The following FUBP1 variants were observed in gnomAD, a reference collection of about 807,000 sequenced individuals.
FUBP1 encodes far upstream element binding protein 1, also known as far upstream element-binding protein 1.
In FUBP1, 16 loss-of-function variants were observed where a neutral mutation model predicts 94.9. That is an observed-to-expected ratio of 0.17 (90% CI 0.11 to 0.26). The LOEUF (loss-of-function observed/expected upper bound fraction) is 0.26. Ranked by LOEUF, FUBP1 falls within the 10% of genes least tolerant of loss-of-function variation. FUBP1 has a pLI of 1.00. For synonymous variants in FUBP1, 279 were observed against 254.9 expected (o/e 1.09, Z -0.90); for missense variants, 583 against 808.6 (o/e 0.72, Z 3.38).
chr1:77,945,115 T>C lies in FUBP1; in HGVS notation c.*3651A>G, dbSNP rs1651879064. 6.6e-6 allele frequency among the ~76,000 whole-genome samples: 1 copy of C among 151,962 alleles called. No individual in the cohort carries two copies. The highest frequency in any genetic ancestry group is 1.5e-5 in the Non-Finnish European group (1 of 67,854). ...TCAGCGTCATTTAAAATAATGCTTATAGTATCAGTGAAGGCTTATGGTAAT... is the reference window on the plus strand; with the variant it reads ...TCAGCGTCATTTAAAATAATGCTTACAGTATCAGTGAAGGCTTATGGTAAT... On this transcript the variant is annotated 3_prime_UTR_variant, in exon 20 of 20. Coordinates refer to ENST00000370768, the MANE Select transcript of FUBP1 (RefSeq NM_003902.5).
At chr1:77,955,880 A>C (rs1422041170) in intron 17 of FUBP1, among the ~76,000 whole-genome samples, 1 of 152,164 alleles carries the variant, frequency 6.6e-6, no homozygotes, top group East Asian at 1.9e-4. Context: ...AAGGAATAAG[A>C]GCTCCTTGAA....
At chr1:77,968,071 C>G in intron 3 of FUBP1, 94 bp downstream of exon 3, 1 of 766,092 alleles carries the variant, frequency 1.3e-6, no homozygotes, top group Non-Finnish European at 2.1e-6. Flanking sequence ...TACTCATAAA[C>G]CAACTAACTT....
intron 1 of FUBP1, among the ~76,000 whole-genome samples, chr1:77,977,673 AAG>A: frequency 6.6e-6 from 1 of 152,358 alleles, no homozygotes; most frequent in African/African-American, 2.4e-5. Flanking sequence ...AAAACACGCT[AAG>A]AGTGTTTGTC....
At chr1:77,972,888 A>C (rs1221008292) in intron 1 of FUBP1, among the ~76,000 whole-genome samples, 2 of 152,114 alleles carry the variant, frequency 1.3e-5, no homozygotes, top group Non-Finnish European at 2.9e-5. Flanking sequence ...AAAAGTGTTT[A>C]ATAAAAATAC....
intron 18 of FUBP1, among the ~76,000 whole-genome samples, chr1:77,955,000 T>C (rs1282101181): frequency 6.6e-6 from 1 of 152,214 alleles, no homozygotes; most frequent in African/African-American, 2.4e-5. Flanking sequence ...ATAACTGTCA[T>C]TGTCAAAAGT....
intron 16 of FUBP1, 62 bp from the exon 17 acceptor site, chr1:77,956,762 C>T (rs1388587963): frequency 2.3e-5 from 30 of 1,283,904 alleles, no homozygotes; most frequent in Non-Finnish European, 3.2e-5. Context: ...CACACACACA[C>T]ACACCACCCC....
rs1652274176 is a variant in FUBP1 at position 77,946,900 on chromosome 1, A to G, written c.*1866T>C. 1 of 204,460 alleles carries G rather than the reference A, an allele frequency of 4.9e-6. No homozygotes were observed. Among genetic ancestry groups the G allele is most frequent in the Non-Finnish European group, 1.0e-5 (1 of 99,920 alleles). 12.7% of individuals were successfully genotyped at this position (204,460 alleles called of 1,614,324 possible). On this transcript the variant is annotated 3_prime_UTR_variant, in exon 20 of 20. Coordinates refer to ENST00000370768, the MANE Select transcript of FUBP1 (RefSeq NM_003902.5). The stretch of plus-strand genomic sequence containing the variant: ...TCACTCTAGGTTATATAAAACAATC[A>G]AAAACATTTCAAAATATCTACAATG...
At chr1:77,979,111 G>A (rs1326490250), upstream of FUBP1, 3 of 1,164,056 alleles carry the variant, frequency 2.6e-6, no homozygotes, top group African/African-American at 1.5e-5. Flanking sequence ...ATTCTTGCGC[G>A]ACCATCGTGC....
At chr1:77,975,083 T>C (rs545279908) in intron 1 of FUBP1, among the ~76,000 whole-genome samples, 94 of 152,372 alleles carry the variant, frequency 6.2e-4, no homozygotes, top group Non-Finnish European at 1.1e-3. Flanking sequence ...ATATTACTTG[T>C]ATTGCTGGAC....
intron 18 of FUBP1, among the ~76,000 whole-genome samples, chr1:77,951,940 T>C (rs1488999617): frequency 6.6e-6 from 1 of 152,212 alleles, no homozygotes; most frequent in African/African-American, 2.4e-5. Flanking sequence ...CTTATCATAA[T>C]GGCCTTCCTC....
At chr1:77,949,862 ACAT>A (rs1653037500) in intron 18 of FUBP1, among the ~76,000 whole-genome samples, 2 of 152,242 alleles carry the variant, frequency 1.3e-5, no homozygotes. Context: ...GTACACACAC[ACAT>A]AATAAGATGT....
At chr1:77,963,389 T>A (rs1420514532) in intron 13 of FUBP1, among the ~76,000 whole-genome samples, 185 bp downstream of exon 13, 2 of 152,234 alleles carry the variant, frequency 1.3e-5, no homozygotes, top group African/African-American at 2.4e-5. Context: ...ATTAAAATCC[T>A]GCTCTTTCTC....
chr1:77,973,543 GC>G (rs1158392818), intron 1 of FUBP1, among the ~76,000 whole-genome samples: 1 of 152,210 alleles, frequency 6.6e-6, no homozygotes, highest in Admixed American at 6.5e-5. Flanking sequence ...ACCATGCCTG[GC>G]TACTTTATTT....
intron 18 of FUBP1, among the ~76,000 whole-genome samples, chr1:77,954,118 A>G (rs1049063806): frequency 1.3e-5 from 2 of 152,186 alleles, no homozygotes; most frequent in Non-Finnish European, 2.9e-5. Context: ...GTGCCACCGC[A>G]CGTGGCTCAT....
chr1:77,965,645 A>C (rs1410822205), intron 7 of FUBP1, among the ~76,000 whole-genome samples: 2 of 152,236 alleles, frequency 1.3e-5, no homozygotes, highest in Non-Finnish European at 2.9e-5. Context: ...TATTCTAGGT[A>C]ATGGGGTAAT....
intron 6 of FUBP1, 54 bp downstream of exon 6, chr1:77,966,830 A>AG: frequency 7.5e-7 from 1 of 1,341,286 alleles, no homozygotes; most frequent in Admixed American, 1.9e-5. Flanking sequence ...CTTAAAAAAA[A>AG]AAAAAAGCTA....
intron 14 of FUBP1, among the ~76,000 whole-genome samples, chr1:77,961,662 G>A (rs1029788618): frequency 9.9e-5 from 15 of 152,186 alleles, no homozygotes; most frequent in African/African-American, 3.6e-4. Context: ...CCCGACTACA[G>A]AGTCCATGCT....
intron 1 of FUBP1, among the ~76,000 whole-genome samples, chr1:77,972,090 T>C (rs1040428862): frequency 1.1e-4 from 16 of 151,984 alleles, no homozygotes; most frequent in African/African-American, 3.6e-4. Flanking sequence ...ATTACAAACC[T>C]GTTTTTGTTT....
At chr1:77,967,757 ATCTC>A in intron 3 of FUBP1, 91 bp from the exon 4 acceptor site, 1 of 787,372 alleles carries the variant, frequency 1.3e-6, no homozygotes, top group Non-Finnish European at 2.1e-6. Context: ...ACATTCAAAA[ATCTC>A]TCCCTAATGC....
Sources: allele counts gnomAD v4.1 joint callset (sites outside exome capture counted in the v4.1 genomes callset), GRCh38; gene constraint gnomAD v4.1.1; transcripts MANE v1.5; gene names NCBI Gene and HGNC (gene_info 2026-07-23, HGNC 2026-07-21).